The following IL1RAPL1 variants were observed in gnomAD, a reference collection of about 807,000 sequenced individuals.
IL1RAPL1 encodes interleukin-1 receptor accessory protein-like 1.
A neutral mutation model predicts 48.4 loss-of-function variants in IL1RAPL1; 3 were observed. The ratio of observed to expected loss-of-function variants is 0.06; its 90% CI spans 0.03 to 0.16. The LOEUF (loss-of-function observed/expected upper bound fraction) is 0.16, where lower values mean the gene tolerates loss of function less well. Among genes scored for constraint, IL1RAPL1 ranks in the 10% least tolerant of loss-of-function variants. IL1RAPL1 has a pLI of 1.00. For synonymous variants in IL1RAPL1, 185 were observed against 187.7 expected (o/e 0.99, Z 0.12); for missense variants, 349 against 530.6 (o/e 0.66, Z 3.36).
intron 2 of IL1RAPL1, among the ~76,000 whole-genome samples, chrX:28,899,920 G>A (rs917270403): frequency 8.9e-6 from 1 of 112,037 alleles, no homozygotes; most frequent in Admixed American, 9.4e-5. Flanking sequence ...ACTTTAAATT[G>A]AAAATTGTTA....
chrX:29,909,993 A>G (rs1278280235), intron 6 of IL1RAPL1, among the ~76,000 whole-genome samples: 4 of 111,751 alleles, frequency 3.6e-5, no homozygotes, highest in Non-Finnish European at 7.5e-5. Flanking sequence ...AATAGCAGAC[A>G]TGGAATCAAC....
intron 5 of IL1RAPL1, among the ~76,000 whole-genome samples, chrX:29,512,407 A>G (rs1479759016): frequency 8.9e-6 from 1 of 111,984 alleles, no homozygotes; most frequent in Non-Finnish European, 1.9e-5. Flanking sequence ...AATAAAATAC[A>G]TTCTGAAAAA....
intron 2 of IL1RAPL1, among the ~76,000 whole-genome samples, chrX:29,277,723 A>G (rs1295913450): frequency 8.9e-6 from 1 of 111,938 alleles, no homozygotes; most frequent in Non-Finnish European, 1.9e-5. Flanking sequence ...AATGCTTGGG[A>G]CCAGAAGTGT....
At chrX:29,267,779 A>G (rs964457970) in intron 2 of IL1RAPL1, among the ~76,000 whole-genome samples, 3 of 112,000 alleles carry the variant, frequency 2.7e-5, no homozygotes, top group Non-Finnish European at 5.6e-5. Context: ...ACCGAATGCC[A>G]TGTGTAAATT....
At chrX:28,616,436 T>C (rs1217616383) in intron 1 of IL1RAPL1, among the ~76,000 whole-genome samples, 1 of 111,038 alleles carries the variant, frequency 9.0e-6, no homozygotes, top group East Asian at 2.8e-4. Context: ...CATTTTTCTT[T>C]CTTTTTTTTT....
chrX:29,598,832 T>C (rs1923632424), intron 5 of IL1RAPL1, among the ~76,000 whole-genome samples: 1 of 112,067 alleles, frequency 8.9e-6, no homozygotes, highest in Admixed American at 9.5e-5. Context: ...TTTTGTCTGA[T>C]ATAAGAATAG....
chrX:29,826,152 T>C (rs1433576609), intron 6 of IL1RAPL1, among the ~76,000 whole-genome samples: 2 of 111,807 alleles, frequency 1.8e-5, no homozygotes, highest in African/African-American at 6.5e-5. Flanking sequence ...CACTTCATGC[T>C]AGTGTTATAT....
intron 2 of IL1RAPL1, among the ~76,000 whole-genome samples, chrX:29,008,521 A>G (rs1313535627): frequency 4.4e-5 from 5 of 112,452 alleles, no homozygotes; most frequent in Non-Finnish European, 9.4e-5. Context: ...TTTGTTAATT[A>G]GCTTGATTTA....
chrX:29,704,777 T>C (rs1927148462), intron 6 of IL1RAPL1, among the ~76,000 whole-genome samples: 1 of 112,067 alleles, frequency 8.9e-6, no homozygotes, highest in Admixed American at 9.4e-5. Context: ...ATAAGAGAAA[T>C]TTTGTTCAAA....
chrX:29,566,348 T>G (rs1477916597), intron 5 of IL1RAPL1, among the ~76,000 whole-genome samples: 2 of 111,740 alleles, frequency 1.8e-5, no homozygotes, highest in Non-Finnish European at 3.8e-5. Flanking sequence ...ATAATCCCAG[T>G]TATTTGGGAG....
chrX:29,953,315 T>G (rs960481328), intron 9 of IL1RAPL1, among the ~76,000 whole-genome samples: 1 of 111,997 alleles, frequency 8.9e-6, no homozygotes, highest in Admixed American at 9.5e-5. Context: ...CTATGAATCT[T>G]GATATCTTAG....
At chrX:29,360,376 G>T (rs893965306) in intron 3 of IL1RAPL1, among the ~76,000 whole-genome samples, 3 of 111,727 alleles carry the variant, frequency 2.7e-5, no homozygotes, top group African/African-American at 9.8e-5. Flanking sequence ...TCAGGGTTTC[G>T]TAAATTGGTT....
chrX:29,849,965 C>A (rs774425597), intron 6 of IL1RAPL1, among the ~76,000 whole-genome samples: 1 of 111,707 alleles, frequency 9.0e-6, no homozygotes, highest in Non-Finnish European at 1.9e-5. Flanking sequence ...GGCCCCAAAT[C>A]TTTTACAGAT....
chrX:29,054,782 T>A (rs1343596680), intron 2 of IL1RAPL1, among the ~76,000 whole-genome samples: 1 of 112,112 alleles, frequency 8.9e-6, no homozygotes, highest in Non-Finnish European at 1.9e-5. Context: ...TCGACACACG[T>A]GACATACTAT....
At chrX:29,519,614 C>G (rs1028353579) in intron 5 of IL1RAPL1, among the ~76,000 whole-genome samples, 1 of 111,980 alleles carries the variant, frequency 8.9e-6, no homozygotes, top group Non-Finnish European at 1.9e-5. Context: ...TGGCAGCTTT[C>G]CATATGTTCT....
intron 2 of IL1RAPL1, among the ~76,000 whole-genome samples, chrX:29,275,559 C>A (rs780148095): frequency 8.9e-6 from 1 of 112,180 alleles, no homozygotes; most frequent in East Asian, 2.8e-4. Context: ...TTTCTTAAAT[C>A]CTTTTTGATC....
intron 2 of IL1RAPL1, among the ~76,000 whole-genome samples, chrX:29,195,749 C>T (rs1602106233): frequency 9.1e-6 from 1 of 109,564 alleles, no homozygotes; most frequent in Middle Eastern, 4.7e-3. Flanking sequence ...TCTGTAGAGA[C>T]GGGGTTTTGC....
At chrX:29,314,803 ACT>A (rs1932762512) in intron 3 of IL1RAPL1, among the ~76,000 whole-genome samples, 1 of 112,365 alleles carries the variant, frequency 8.9e-6, no homozygotes, top group Non-Finnish European at 1.9e-5. Flanking sequence ...CACAGTAGTT[ACT>A]CTTAAAGTAT....
chrX:29,297,618 G>A (rs1370441814), intron 3 of IL1RAPL1, among the ~76,000 whole-genome samples: 1 of 111,968 alleles, frequency 8.9e-6, no homozygotes, highest in Non-Finnish European at 1.9e-5. Context: ...TTTCACTGTA[G>A]GGGTTGCTTA....
Sources: allele counts gnomAD v4.1 joint callset (sites outside exome capture counted in the v4.1 genomes callset), GRCh38; gene constraint gnomAD v4.1.1; transcripts MANE v1.5; gene names NCBI Gene and HGNC (gene_info 2026-07-23, HGNC 2026-07-21).